TAF6: variants seen among roughly 807,000 people sequenced by gnomAD.
The protein encoded by TAF6 is TATA-box binding protein associated factor 6.
Under a neutral mutation model 73.5 loss-of-function variants are expected in TAF6, and 50 were observed. The observed-to-expected ratio is 0.68, with a 90% confidence interval of 0.54 to 0.86. The LOEUF is 0.86. TAF6 is among the 40% of genes least tolerant of loss of function. TAF6 has a pLI of 0.00. For synonymous variants in TAF6, 424 were observed against 376.7 expected (o/e 1.13, Z -1.45); for missense variants, 768 against 899.5 (o/e 0.85, Z 1.87).
At chr7:100,122,949 C>T, upstream of TAF6, 1 of 1,576,424 alleles carries the variant, frequency 6.3e-7, no homozygotes, top group Admixed American at 1.8e-5. Flanking sequence ...GAGAAGGGAA[C>T]CTGAGAGGGG....
At chr7:100,117,920 A>G (rs948569254) in intron 1 of TAF6, among the ~76,000 whole-genome samples, 2 of 151,942 alleles carry the variant, frequency 1.3e-5, no homozygotes, top group Non-Finnish European at 1.5e-5. Flanking sequence ...GCAGGCACCT[A>G]TAGTCCCTGC....
chr7:100,119,425 G>A, upstream of TAF6: 2 of 1,218,424 alleles, frequency 1.6e-6, no homozygotes, highest in Non-Finnish European at 2.1e-6. Context: ...ACCAGAATAA[G>A]TCCTCTAGGC....
chr7:100,110,640 C>T (rs551090803), intron 10 of TAF6, among the ~76,000 whole-genome samples: 6 of 152,258 alleles, frequency 3.9e-5, no homozygotes, highest in East Asian at 1.9e-4. Flanking sequence ...GGAGAAACCC[C>T]GTCTCTACTA....
chr7:100,112,344 C>G, intron 6 of TAF6, 91 bp from the exon 7 acceptor site: 1 of 1,501,852 alleles, frequency 6.7e-7, no homozygotes, highest in Non-Finnish European at 8.9e-7. Context: ...CCCCTGAGAC[C>G]CAGGAGACCT....
chr7:100,109,381 G>A (rs1796944234), intron 12 of TAF6, among the ~76,000 whole-genome samples: 1 of 152,020 alleles, frequency 6.6e-6, no homozygotes, highest in African/African-American at 2.4e-5. Flanking sequence ...GAATGAACTT[G>A]CTAAATACTG....
intron 13 of TAF6, 82 bp downstream of exon 13, chr7:100,108,285 A>G: frequency 6.6e-7 from 1 of 1,504,510 alleles, no homozygotes; most frequent in Non-Finnish European, 8.9e-7. Flanking sequence ...CTGAGGGCAC[A>G]TGTGGCTGTG....
rs370612982 is a variant in TAF6, at chr7:100,112,108, C to T, written c.720G>A (p.Ala240=). The T allele has an allele frequency of 3.1e-6, 5 of 1,613,564 alleles. No individual in the cohort carries two copies. The highest frequency in any genetic ancestry group is 4.2e-6 in the Non-Finnish European group (5 of 1,179,708). Residue 240 remains alanine, a splice_region_variant and synonymous_variant, in exon 7 of 15, where the codon GCG becomes GCA. Transcript: ENST00000453269. ...CAGGGCAAGCTGGTGGGGCCCTCAC[C>T]GCCCTCTTGGCCTCGCAGGAGCCCA... ...ACVGSCEAKR[A]EALQSIATDP...
intron 5 of TAF6, among the ~76,000 whole-genome samples, 192 bp downstream of exon 5, chr7:100,113,157 T>C (rs1337070976): frequency 6.6e-6 from 1 of 152,016 alleles, no homozygotes; most frequent in African/African-American, 2.4e-5. Context: ...TCCCAGCTAC[T>C]CAGGAGGCTG....
intron 10 of TAF6, 114 bp from the exon 11 acceptor site, chr7:100,110,388 C>A (rs541892257): frequency 9.6e-5 from 116 of 1,209,712 alleles, no homozygotes; most frequent in Non-Finnish European, 1.4e-4. Flanking sequence ...ACAATGAGGC[C>A]AGACGTGGTG....
At chr7:100,121,854 T>C (rs371271060), upstream of TAF6, among the ~76,000 whole-genome samples, 36 of 150,706 alleles carry the variant, frequency 2.4e-4, no homozygotes, top group Admixed American at 1.2e-3. Context: ...ATCGAGACCA[T>C]CCTGGCTAAC....
intron 12 of TAF6, chr7:100,108,785 C>T (rs1387535024): frequency 8.2e-6 from 3 of 367,076 alleles, no homozygotes; most frequent in Non-Finnish European, 1.5e-5. Flanking sequence ...GCCTGTATCC[C>T]AGCACTTGGG....
At chr7:100,117,550 G>C (rs1797769312) in intron 1 of TAF6, among the ~76,000 whole-genome samples, 1 of 151,592 alleles carries the variant, frequency 6.6e-6, no homozygotes, top group African/African-American at 2.4e-5. Context: ...GGGATTACAG[G>C]CGTGAGCCAC....
At position 100,119,312 on chromosome 7, in the gene TAF6, G is replaced by A; in HGVS notation, c.-168C>T. 9 of 1,028,228 alleles carry A rather than the reference G, an allele frequency of 8.8e-6. No individual in the cohort carries two copies. The highest frequency in any genetic ancestry group is 8.2e-6 in the Non-Finnish European group (7 of 854,046). 63.7% of individuals were successfully genotyped at this position (1,028,228 alleles called of 1,614,324 possible). A position where few individuals can be genotyped will look rare whatever the true frequency, so the allele number is the denominator to read the frequency against. On this transcript the variant is annotated 5_prime_UTR_variant, in exon 1 of 15. Transcript: ENST00000453269. Reference sequence around the variant, plus strand: ...GGGGAGCAGGAAAACTCTAGCGGCAGCCGAGACGCTGCTCACCCGGCGCTC... The same window carrying A: ...GGGGAGCAGGAAAACTCTAGCGGCAACCGAGACGCTGCTCACCCGGCGCTC...
At chr7:100,122,368 C>T (rs369187074), upstream of TAF6, 16 of 1,614,136 alleles carry the variant, frequency 9.9e-6, no homozygotes, top group Middle Eastern at 3.3e-4. Context: ...GGAAGAGACA[C>T]GTGCCTTACA....
chr7:100,108,053 G>C lies in TAF6; in HGVS notation c.1529C>G (p.Pro510Arg). Reference protein sequence around the residue: ...GPRTPGLLKVPGSIALPVQTL... With the variant: ...GPRTPGLLKVRGSIALPVQTL... ...CTGGACAGGAAGTGCGATGGAGCCA[G>C]GAACCTTCAGCAAGCCAGGGGTGCG... is the stretch of plus-strand genomic sequence containing the variant. Residue 510 changes from proline (P) to arginine (R), a missense_variant, in exon 14 of 15, where the codon CCT (proline) becomes CGT (arginine). Pro to Arg is a moderately radical substitution (Grantham distance 103). This residue lies in a region of TAF6 where 350 missense variants were observed against 352.3 expected (regional missense o/e 0.99). Coordinates refer to ENST00000453269, the MANE Select transcript of TAF6 (RefSeq NM_139315.3). 1 of 1,613,294 alleles carries C rather than the reference G, an allele frequency of 6.2e-7. No homozygotes were observed. Among genetic ancestry groups the C allele is most frequent in the Non-Finnish European group, 8.5e-7 (1 of 1,179,846 alleles).
At chr7:100,127,052 G>C in the TAF6 span, 2 of 287,038 alleles carry the variant, frequency 7.0e-6, no homozygotes, top group East Asian at 1.4e-4. This position sits in a 1 kb window ranked among gnomAD's most constrained non-coding sequence, Gnocchi z 4.6. Context: ...GCAAGACCTA[G>C]CAGAGGCCCA....
chr7:100,123,451 T>C (rs1324268221), upstream of TAF6, among the ~76,000 whole-genome samples: 1 of 152,082 alleles, frequency 6.6e-6, no homozygotes, highest in Admixed American at 6.6e-5. Flanking sequence ...GAAGGACTGT[T>C]TGAGACCAGA....
chr7:100,121,265 A>G (rs1198478905), upstream of TAF6: 2 of 149,164 alleles, frequency 1.3e-5, no homozygotes, highest in Admixed American at 6.7e-5. Context: ...CAGCCTCCCA[A>G]GTAGCTGGGA....
upstream of TAF6, among the ~76,000 whole-genome samples, chr7:100,121,789 G>A (rs193110643): frequency 0.059 from 8,935 of 151,422 alleles, 285 homozygotes; most frequent in Middle Eastern, 0.075. Flanking sequence ...GGTGGCTCAC[G>A]CCTGTAATCC....
Sources: gnomAD v4.1 joint callset for allele counts (sites outside exome capture counted in the v4.1 genomes callset) on GRCh38, gnomAD v4.1.1 for gene constraint, gnomAD v4.1.1 regional missense constraint, Gnocchi (gnomAD v3.1) non-coding constraint, MANE v1.5 for transcripts, NCBI Gene and HGNC (gene_info 2026-07-23, HGNC 2026-07-21) for gene names.